LPP: variants seen among roughly 807,000 people sequenced by gnomAD.
LPP encodes LIM domain containing preferred translocation partner in lipoma.
A neutral mutation model predicts 60.4 loss-of-function variants in LPP; 38 were observed. The observed-to-expected ratio is 0.63, with a 90% CI of 0.49 to 0.83. The LOEUF (loss-of-function observed/expected upper bound fraction) is 0.83. Among genes scored for constraint, LPP ranks in the 40% least tolerant of loss-of-function variants. The pLI, the probability that LPP is intolerant of heterozygous loss-of-function variation, is 0.00. For synonymous variants in LPP, 328 were observed against 290.8 expected, an observed-to-expected ratio of 1.13 and a Z score of -1.30; for missense variants, 902 against 783.6, an observed-to-expected ratio of 1.15 and a Z score of -1.80.
intron 3 of LPP, among the ~76,000 whole-genome samples, chr3:188,371,757 C>T (rs1263078579): frequency 2.1e-5 from 3 of 141,210 alleles, no homozygotes; most frequent in Non-Finnish European, 3.0e-5. Context: ...TGGGTTCAAA[C>T]GATTCTCCTG....
At chr3:188,252,677 T>C (rs2149593359) in intron 2 of LPP, among the ~76,000 whole-genome samples, 1 of 152,206 alleles carries the variant, frequency 6.6e-6, no homozygotes, top group South Asian at 2.1e-4. Context: ...CTATTAGGAG[T>C]AAAGTTAAGC....
chr3:188,240,498 A>G (rs1723961464), intron 2 of LPP, among the ~76,000 whole-genome samples: 4 of 152,250 alleles, frequency 2.6e-5, no homozygotes, highest in South Asian at 2.1e-4. Context: ...TCTTATACGT[A>G]CTGAATTTGA....
At chr3:188,589,074 T>G (rs1006462570) in intron 6 of LPP, among the ~76,000 whole-genome samples, 1 of 152,142 alleles carries the variant, frequency 6.6e-6, no homozygotes, top group Non-Finnish European at 1.5e-5. Context: ...CAGTGCCTTG[T>G]GCTGAGCTGC....
At chr3:188,573,436 C>T (rs1216213046) in intron 6 of LPP, among the ~76,000 whole-genome samples, 1 of 152,090 alleles carries the variant, frequency 6.6e-6, no homozygotes, top group Non-Finnish European at 1.5e-5. Flanking sequence ...ACAATGACTG[C>T]TGTGTTCTTT....
Position 188,882,882 on chromosome 3 carries a change from A to G in LPP, c.*8403A>G, listed in dbSNP as rs568531774. 376 of 181,064 alleles carry G rather than the reference A, an allele frequency of 2.1e-3. 2 individuals are homozygous for G. Among genetic ancestry groups the G allele is most frequent in the African/African-American group, 8.3e-3 (354 of 42,454 alleles). The allele number at this position is 181,064 out of a possible 1,614,324, so 11.2% of individuals were successfully genotyped here. On this transcript the variant is annotated 3_prime_UTR_variant, in exon 12 of 12. Coordinates refer to ENST00000617246, the MANE Select transcript of LPP (RefSeq NM_001375462.1). ...GCCTCCCGAGTAGCTGGGACTACAGACGCCCGCCACCGCGCCCAGCTAATT... is the reference window on the plus strand; with the variant it reads ...GCCTCCCGAGTAGCTGGGACTACAGGCGCCCGCCACCGCGCCCAGCTAATT...
In LPP at chr3:188,636,591, G is replaced by C. The variant is rs973802372; in HGVS notation, c.1113+26747G>C. On this transcript the variant is annotated intron_variant, in intron 7 of 11. Coordinates refer to ENST00000617246, the MANE Select transcript of LPP (RefSeq NM_001375462.1). The stretch of plus-strand genomic sequence containing the variant: ...AGCCTGCCTGCCTCTGTAGGCTCCA[G>C]CTCTGGGGGCCCAGGGCACAGACAA... Among the ~76,000 whole-genome samples the C allele has an allele frequency of 1.2e-3, 181 of 152,270 alleles. 1 individual carries two copies. The highest frequency in any genetic ancestry group is 3.1e-4 in the Non-Finnish European group (21 of 68,000).
rs371303699 is a variant in LPP at position 188,384,970 on chromosome 3, C to T, written c.-9-21142C>T. Among the ~76,000 whole-genome samples, 23 of 151,954 alleles carry T rather than the reference C, an allele frequency of 1.5e-4. No individual in the cohort carries two copies. The East Asian group carries it at 3.1e-3, about 21-fold the overall frequency. On this transcript the variant is annotated intron_variant, in intron 3 of 11. Coordinates refer to ENST00000617246, the MANE Select transcript of LPP (RefSeq NM_001375462.1). ...ATGGTGTTGGAGCAATCAAAGGATA[C>T]AGACCAGTACCCAGCCTTTCTTGTC...
chr3:188,205,795 C>G (rs570016220), intron 1 of LPP, among the ~76,000 whole-genome samples: 53 of 152,128 alleles, frequency 3.5e-4, no homozygotes, highest in Middle Eastern at 3.4e-3. Flanking sequence ...CTCTTCTGAG[C>G]CTGAGAGACT....
intron 2 of LPP, among the ~76,000 whole-genome samples, chr3:188,331,488 C>A (rs1276764270): frequency 6.6e-6 from 1 of 152,160 alleles, no homozygotes; most frequent in Admixed American, 6.5e-5. Context: ...TTATTTTAAT[C>A]CCCATATTTC....
intron 5 of LPP, among the ~76,000 whole-genome samples, chr3:188,524,033 T>A (rs1819757519): frequency 1.3e-5 from 2 of 152,176 alleles, no homozygotes; most frequent in South Asian, 4.1e-4. Flanking sequence ...ACATAGGAAA[T>A]CCGGAGATCC....
In LPP at chr3:188,350,901, C is replaced by A. The variant is rs545282669; in HGVS notation, c.-10+9182C>A. Among the ~76,000 whole-genome samples, 3 of 152,304 alleles carry A rather than the reference C, an allele frequency of 2.0e-5. No homozygotes were observed. The South Asian group carries it at 6.2e-4, about 32-fold the overall frequency. On this transcript the variant is annotated intron_variant, in intron 3 of 11. Coordinates refer to ENST00000617246, the MANE Select transcript of LPP (RefSeq NM_001375462.1). ...AGAGGGCCAGCTCTTATAAAATACACCCCTTGCCATTTTGCCTGTGTGGGC... is the reference window on the plus strand; with the variant it reads ...AGAGGGCCAGCTCTTATAAAATACAACCCTTGCCATTTTGCCTGTGTGGGC...
intron 7 of LPP, among the ~76,000 whole-genome samples, chr3:188,622,612 C>G (rs1231235869): frequency 6.6e-6 from 1 of 151,900 alleles, no homozygotes; most frequent in Non-Finnish European, 1.5e-5. Context: ...TTTTCAGATG[C>G]CAAAGGACAT....
At chr3:188,773,888 G>A (rs891031710) in intron 9 of LPP, among the ~76,000 whole-genome samples, 2 of 152,104 alleles carry the variant, frequency 1.3e-5, no homozygotes, top group African/African-American at 4.8e-5. Flanking sequence ...CAAAAAGAAG[G>A]TCTTCATGGA....
chr3:188,289,471 T>G (rs1745212214), intron 2 of LPP, among the ~76,000 whole-genome samples: 1 of 152,226 alleles, frequency 6.6e-6, no homozygotes, highest in Non-Finnish European at 1.5e-5. Flanking sequence ...GTATTTTACA[T>G]ACATCATCTC....
intron 9 of LPP, among the ~76,000 whole-genome samples, chr3:188,795,319 A>G (rs1251908530): frequency 6.6e-6 from 1 of 152,180 alleles, no homozygotes; most frequent in Non-Finnish European, 1.5e-5. Flanking sequence ...CAGGGATTTA[A>G]CACAATGCAA....
intron 9 of LPP, among the ~76,000 whole-genome samples, chr3:188,793,929 C>G (rs1435210558): frequency 2.1e-5 from 3 of 144,180 alleles, no homozygotes; most frequent in Non-Finnish European, 4.6e-5. Flanking sequence ...TCCCTCCAGC[C>G]AGGACTGCCC....
intron 6 of LPP, among the ~76,000 whole-genome samples, chr3:188,591,484 A>G (rs1838691270): frequency 6.6e-6 from 1 of 152,220 alleles, no homozygotes; most frequent in East Asian, 1.9e-4. Flanking sequence ...GTACAAAGTA[A>G]AAGATGCTAG....
At chr3:188,865,902 G>A (rs1766454851) in intron 9 of LPP, among the ~76,000 whole-genome samples, 1 of 152,134 alleles carries the variant, frequency 6.6e-6, no homozygotes, top group African/African-American at 2.4e-5. Context: ...CCTCAGTTCT[G>A]GACTTGCCAC....
intron 5 of LPP, among the ~76,000 whole-genome samples, chr3:188,506,563 C>A (rs1303822343): frequency 1.3e-5 from 2 of 152,112 alleles, no homozygotes; most frequent in Non-Finnish European, 2.9e-5. Context: ...CCAGATTTGA[C>A]ATGGTCCTAA....
Sources: allele counts gnomAD v4.1 joint callset (sites outside exome capture counted in the v4.1 genomes callset), GRCh38; gene constraint gnomAD v4.1.1; transcripts MANE v1.5; gene names NCBI Gene and HGNC (gene_info 2026-07-23, HGNC 2026-07-21).